The following ZXDC variants were observed in gnomAD, a reference collection of about 807,000 sequenced individuals.
ZXDC encodes ZXD family zinc finger C.
Under a neutral mutation model 63.6 loss-of-function variants are expected in ZXDC, and 58 were observed. The ratio of observed to expected loss-of-function variants is 0.91; its 90% CI spans 0.74 to 1.13. ZXDC has a LOEUF of 1.13. ZXDC is among the 50% of genes most tolerant of loss of function. The pLI, the probability that ZXDC is intolerant of heterozygous loss-of-function variation, is 0.00. For missense variants in ZXDC, 1,133 were observed against 1,148.9 expected, an observed-to-expected ratio of 0.99 and a Z score of 0.20; for synonymous variants, 561 against 496.1, an observed-to-expected ratio of 1.13 and a Z score of -1.74.
intron 7 of ZXDC, chr3:126,454,279 C>G: frequency 1.0e-6 from 1 of 984,610 alleles, no homozygotes; most frequent in Non-Finnish European, 1.2e-6. Context: ...ATTCAATTAT[C>G]TGAGATTTCT....
intron 1 of ZXDC, among the ~76,000 whole-genome samples, chr3:126,474,712 A>G (rs1045916669): frequency 2.6e-5 from 4 of 152,256 alleles, no homozygotes; most frequent in Non-Finnish European, 4.4e-5. Context: ...CAGGTTAAGG[A>G]TATCTGTTGC....
rs544397794 is a variant in ZXDC at position 126,470,062 on chromosome 3, G to A, written c.1270+833C>T. 3.9e-5 allele frequency among the ~76,000 whole-genome samples: 6 copies of A among 152,330 alleles called. No individual in the cohort carries two copies. In the East Asian group the frequency reaches 1.2e-3, roughly 29 times the overall value. ...CTCACTGCCTCCCAGTGCACCTGCA[G>A]AACTAGAGTAGGGCCAGCACGCACA... On this transcript the variant is annotated intron_variant, in intron 4 of 9. Transcript: ENST00000389709.
intron 7 of ZXDC, chr3:126,453,572 C>T (rs1576671673): frequency 2.0e-6 from 2 of 985,480 alleles, no homozygotes; most frequent in Non-Finnish European, 2.4e-6. Flanking sequence ...CCAAGTGCAG[C>T]GTGCTTCTAT....
chr3:126,458,327 C>A (rs1279235236), intron 7 of ZXDC, among the ~76,000 whole-genome samples: 1 of 151,598 alleles, frequency 6.6e-6, no homozygotes, highest in Non-Finnish European at 1.5e-5. Context: ...ACCTCTGCCT[C>A]CTGGGTTCAA....
Position 126,461,584 on chromosome 3 carries a change from T to C in ZXDC, c.2078A>G (p.His693Arg). The C allele has an allele frequency of 6.2e-7, 1 of 1,614,208 alleles. No individual in the cohort carries two copies. The highest frequency in any genetic ancestry group is 2.2e-5 in the East Asian group (1 of 44,876). ...QSTLPSPAEQ[H>R]GAQDTELSAG... ...ACTGAGCTCTGTGTCCTGGGCACCG[T>C]GCTGCTCTGCTGGACTGGGCAACGT... is the stretch of plus-strand genomic sequence containing the variant. Residue 693 changes from histidine to arginine, a missense_variant, in exon 6 of 10, where the codon CAC (histidine) becomes CGC (arginine). Coordinates refer to ENST00000389709, the MANE Select transcript of ZXDC (RefSeq NM_025112.5).
At chr3:126,462,852 T>C (rs1331800588) in intron 5 of ZXDC, among the ~76,000 whole-genome samples, 1 of 152,176 alleles carries the variant, frequency 6.6e-6, no homozygotes, top group Admixed American at 6.5e-5. Flanking sequence ...GCTTCAGCTC[T>C]AGGCAGATGC....
intron 6 of ZXDC, chr3:126,461,184 T>C (rs1934516476): frequency 2.5e-5 from 26 of 1,028,590 alleles, no homozygotes; most frequent in African/African-American, 3.4e-5. Context: ...ACTCCTCTTC[T>C]AGGACTGGTC....
intron 5 of ZXDC, among the ~76,000 whole-genome samples, chr3:126,463,051 A>T (rs1209182675): frequency 1.3e-5 from 2 of 150,500 alleles, no homozygotes; most frequent in East Asian, 3.9e-4. Flanking sequence ...CCCAGCCCTG[A>T]TGCAGCATGT....
At chr3:126,440,417 G>C in intron 8 of ZXDC, 2 of 985,352 alleles carry the variant, frequency 2.0e-6, no homozygotes, top group Non-Finnish European at 2.4e-6. Flanking sequence ...GGCCCGGAGT[G>C]CTTAAGTAAC....
At chr3:126,448,665 G>A (rs1428247733) in intron 7 of ZXDC, among the ~76,000 whole-genome samples, 1 of 152,234 alleles carries the variant, frequency 6.6e-6, no homozygotes, top group African/African-American at 2.4e-5. Flanking sequence ...GACTAGGGAA[G>A]GTGTGGCGTC....
At chr3:126,450,598 C>T (rs765336088) in intron 7 of ZXDC, 11 of 452,320 alleles carry the variant, frequency 2.4e-5, no homozygotes, top group South Asian at 7.8e-5. Context: ...CCGGACTGAC[C>T]GCCCCTGCTG....
chr3:126,452,930 G>T, intron 7 of ZXDC: 2 of 708,542 alleles, frequency 2.8e-6, no homozygotes, highest in African/African-American at 1.9e-5. Context: ...ACAGATGGGG[G>T]TCTTACCACG....
At chr3:126,453,725 G>T (rs187093825) in intron 7 of ZXDC, 1 of 981,958 alleles carries the variant, frequency 1.0e-6, no homozygotes, top group Non-Finnish European at 1.2e-6. Context: ...AAGGAGTTTC[G>T]CTCTTGTTGC....
chr3:126,450,842 A>G (rs1208508352), intron 7 of ZXDC, among the ~76,000 whole-genome samples: 1 of 152,268 alleles, frequency 6.6e-6, no homozygotes, highest in Admixed American at 6.5e-5. Flanking sequence ...CCTGAGCTGC[A>G]GTGCCAGCAC....
chr3:126,447,089 C>T (rs552840139), intron 7 of ZXDC, among the ~76,000 whole-genome samples: 1 of 152,320 alleles, frequency 6.6e-6, no homozygotes, highest in African/African-American at 2.4e-5. Flanking sequence ...TCTGGCAGGC[C>T]CTGAGTACCC....
At chr3:126,473,650 T>C (rs1040023354) in intron 1 of ZXDC, among the ~76,000 whole-genome samples, 8 of 152,206 alleles carry the variant, frequency 5.3e-5, no homozygotes, top group African/African-American at 1.7e-4. Flanking sequence ...ACATTCTCTC[T>C]GAAGAGGAAT....
At chr3:126,471,450 G>T (rs1303592447) in intron 3 of ZXDC, among the ~76,000 whole-genome samples, 14 of 152,202 alleles carry the variant, frequency 9.2e-5, no homozygotes, top group Admixed American at 9.2e-4. Context: ...TAAAGACTGT[G>T]TCTTTTCCTA....
chr3:126,466,539 T>C (rs755096711), intron 4 of ZXDC, among the ~76,000 whole-genome samples: 6 of 152,210 alleles, frequency 3.9e-5, no homozygotes, highest in African/African-American at 4.8e-5. Context: ...GTGAAACCCG[T>C]AGGGAGATTT....
At chr3:126,460,487 T>C in intron 6 of ZXDC, 1 of 985,384 alleles carries the variant, frequency 1.0e-6, no homozygotes, top group Non-Finnish European at 1.2e-6. Flanking sequence ...TGCTGGCTTC[T>C]CTACCTCCAC....
Sources: allele counts gnomAD v4.1 joint callset (sites outside exome capture counted in the v4.1 genomes callset), GRCh38; gene constraint gnomAD v4.1.1; transcripts MANE v1.5; gene names NCBI Gene and HGNC (gene_info 2026-07-23, HGNC 2026-07-21).